The following RARB variants were observed in gnomAD, a reference collection of about 807,000 sequenced individuals.
The protein encoded by RARB is retinoic acid receptor beta, also known as HBV-activated protein.
In RARB, 17 loss-of-function variants were observed where a neutral mutation model predicts 51.9. The observed-to-expected ratio is 0.33, with a 90% confidence interval of 0.22 to 0.49. RARB has a LOEUF of 0.49. RARB is among the 20% of genes least tolerant of loss of function. RARB has a pLI of 0.99. For missense variants in RARB, 369 were observed against 550.8 expected (o/e 0.67, Z 3.30); for synonymous variants, 215 against 195.4 (o/e 1.10, Z -0.84).
At chr3:25,367,447 A>C (rs1279046586) in intron 5 of RARB, among the ~76,000 whole-genome samples, 1 of 152,104 alleles carries the variant, frequency 6.6e-6, no homozygotes, top group Non-Finnish European at 1.5e-5. Context: ...CAAAGCATCT[A>C]CTTTAGGGTC....
intron 2 of RARB, among the ~76,000 whole-genome samples, chr3:24,864,121 C>A (rs1226901146): frequency 6.6e-6 from 1 of 152,170 alleles, no homozygotes; most frequent in Non-Finnish European, 1.5e-5. Context: ...TTGCACTGAG[C>A]TTACTTGTTT....
At chr3:25,396,848 C>T (rs1297237938) in intron 5 of RARB, among the ~76,000 whole-genome samples, 1 of 152,102 alleles carries the variant, frequency 6.6e-6, no homozygotes, top group Non-Finnish European at 1.5e-5. Context: ...ACCCAGTTCC[C>T]ATACAGCCAG....
chr3:25,332,285 T>A (rs1704923413), intron 5 of RARB, among the ~76,000 whole-genome samples: 1 of 152,192 alleles, frequency 6.6e-6, no homozygotes, highest in African/African-American at 2.4e-5. Context: ...AATAAAATAC[T>A]GGCAAACTGA....
At chr3:24,908,958 A>T (rs958865388) in intron 2 of RARB, among the ~76,000 whole-genome samples, 3 of 152,040 alleles carry the variant, frequency 2.0e-5, no homozygotes, top group African/African-American at 7.2e-5. Flanking sequence ...TTTTTCCATG[A>T]TATGTCAATT....
intron 2 of RARB, among the ~76,000 whole-genome samples, chr3:24,908,032 C>G (rs557164288): frequency 6.6e-6 from 1 of 152,152 alleles, no homozygotes; most frequent in East Asian, 1.9e-4. Context: ...ATCAACATCC[C>G]AGAGACGCTC....
intron 4 of RARB, among the ~76,000 whole-genome samples, chr3:25,148,192 A>G (rs1353873613): frequency 1.3e-5 from 2 of 152,198 alleles, no homozygotes; most frequent in Admixed American, 6.5e-5. Context: ...ACACCCCAAC[A>G]TATTGATGTA....
chr3:25,569,782 A>G lies in RARB; in HGVS notation c.473A>G (p.Lys158Arg). The G allele has an allele frequency of 1.2e-6, 2 of 1,614,152 alleles. No individual in the cohort carries two copies. The highest frequency in any genetic ancestry group is 8.5e-7 in the Non-Finnish European group (1 of 1,180,016). Reference protein sequence around the residue: ...KESVRNDRNKKKKETSKQECT... With the variant: ...KESVRNDRNKRKKETSKQECT... ...GCTGTCAGGAATGACAGGAACAAGA[A>G]AAAGAAGGAGACTTCGAAGCAAGAA... Residue 158 changes from lysine (K) to arginine (R), a missense_variant, in exon 4 of 8, where the codon AAA becomes AGA. Coordinates refer to ENST00000330688, the MANE Select transcript of RARB (RefSeq NM_000965.5).
chr3:25,479,461 C>T (rs919184807), intron 2 of RARB, among the ~76,000 whole-genome samples: 1 of 152,108 alleles, frequency 6.6e-6, no homozygotes, highest in Non-Finnish European at 1.5e-5. Flanking sequence ...ACCCCAAAAG[C>T]TATTTATTAA....
intron 2 of RARB, among the ~76,000 whole-genome samples, chr3:25,471,511 C>CTT (rs535985916): frequency 2.4e-5 from 3 of 124,066 alleles, no homozygotes; most frequent in Admixed American, 8.1e-5. Context: ...AAAAATCTGT[C>CTT]TTTTTTTTTT....
At chr3:24,946,182 G>A (rs988392038) in intron 2 of RARB, among the ~76,000 whole-genome samples, 18 of 150,600 alleles carry the variant, frequency 1.2e-4, no homozygotes, top group Admixed American at 7.9e-4. Context: ...GGAGAATGGC[G>A]TGAACCTGGA....
intron 2 of RARB, among the ~76,000 whole-genome samples, chr3:24,900,233 C>T (rs1485896930): frequency 6.6e-6 from 1 of 152,038 alleles, no homozygotes; most frequent in Non-Finnish European, 1.5e-5. Flanking sequence ...TAACTCCTTC[C>T]CTGGCTTTAG....
chr3:25,533,366 A>G (rs888042582), intron 3 of RARB, among the ~76,000 whole-genome samples: 1 of 152,238 alleles, frequency 6.6e-6, no homozygotes, highest in Non-Finnish European at 1.5e-5. Flanking sequence ...GGACTGTAAT[A>G]GCACCAAAGT....
intron 2 of RARB, among the ~76,000 whole-genome samples, chr3:24,920,592 T>C (rs151282797): frequency 1.3e-5 from 2 of 152,314 alleles, no homozygotes; most frequent in Non-Finnish European, 2.9e-5. Flanking sequence ...TGGCATGGCC[T>C]TGTCCAAGGT....
intron 5 of RARB, among the ~76,000 whole-genome samples, chr3:25,389,400 C>G (rs6550968): frequency 0.02 from 3,063 of 152,288 alleles, 110 homozygotes; most frequent in African/African-American, 0.07. Flanking sequence ...TGAGGGATAT[C>G]TGTCACTGAC....
At chr3:25,371,722 G>A (rs1206654060) in intron 5 of RARB, among the ~76,000 whole-genome samples, 1 of 152,208 alleles carries the variant, frequency 6.6e-6, no homozygotes, top group African/African-American at 2.4e-5. Context: ...AACCTTTACT[G>A]TACAAACATG....
intron 5 of RARB, among the ~76,000 whole-genome samples, chr3:25,220,398 G>C (rs1701921548): frequency 6.6e-6 from 1 of 152,192 alleles, no homozygotes; most frequent in Non-Finnish European, 1.5e-5. Flanking sequence ...TGATATCAAA[G>C]AGAACTAACA....
At chr3:24,874,863 GT>G (rs1234880460) in intron 2 of RARB, among the ~76,000 whole-genome samples, 1 of 151,836 alleles carries the variant, frequency 6.6e-6, no homozygotes, top group Admixed American at 6.6e-5. Flanking sequence ...TGTTATTAAA[GT>G]TTTTTCTCAC....
chr3:25,387,886 A>G (rs1051381520), intron 5 of RARB, among the ~76,000 whole-genome samples: 3 of 152,114 alleles, frequency 2.0e-5, no homozygotes, highest in South Asian at 2.1e-4. Context: ...AAAAAAAAAA[A>G]GAGCATTAAA....
chr3:25,071,768 G>C (rs1698771506), intron 3 of RARB, among the ~76,000 whole-genome samples: 1 of 152,156 alleles, frequency 6.6e-6, no homozygotes, highest in South Asian at 2.1e-4. Flanking sequence ...TGCTTAAATT[G>C]ACCTTTCAGC....
Sources: gnomAD v4.1 joint callset for allele counts (sites outside exome capture counted in the v4.1 genomes callset) on GRCh38, gnomAD v4.1.1 for gene constraint, MANE v1.5 for transcripts, NCBI Gene and HGNC (gene_info 2026-07-23, HGNC 2026-07-21) for gene names.